Variants in ACBD6 observed in about 807,000 individuals in gnomAD.
The protein encoded by ACBD6 is acyl-CoA-binding domain-containing protein 6.
In ACBD6, 28 loss-of-function variants were observed where a neutral mutation model predicts 37.2. The ratio of observed to expected loss-of-function variants is 0.75; its 90% CI spans 0.56 to 1.03. The LOEUF (loss-of-function observed/expected upper bound fraction) is 1.03. ACBD6 is among the 50% of genes least tolerant of loss of function. ACBD6 has a pLI of 0.00. For synonymous variants in ACBD6, 113 were observed against 126.8 expected, an observed-to-expected ratio of 0.89 and a Z score of 0.73; for missense variants, 340 against 337.4, an observed-to-expected ratio of 1.01 and a Z score of -0.06.
At chr1:180,283,269 G>A (rs1006969131), downstream of ACBD6, among the ~76,000 whole-genome samples, 23 of 152,182 alleles carry the variant, frequency 1.5e-4, no homozygotes, top group Non-Finnish European at 3.1e-4. Flanking sequence ...AAATGTGGCT[G>A]CTGCCTAGTA....
chr1:180,501,581 G>A (rs2102110569), intron 1 of ACBD6, among the ~76,000 whole-genome samples: 1 of 152,268 alleles, frequency 6.6e-6, no homozygotes, highest in African/African-American at 2.4e-5. Flanking sequence ...GCCTCCCAAA[G>A]TGCTGGGATT....
At chr1:180,364,072 A>G (rs771602954) in intron 6 of ACBD6, among the ~76,000 whole-genome samples, 1 of 152,210 alleles carries the variant, frequency 6.6e-6, no homozygotes, top group Non-Finnish European at 1.5e-5. Context: ...GGGATGGCAA[A>G]TATTTAAAAC....
intron 3 of ACBD6, among the ~76,000 whole-genome samples, chr1:180,481,363 T>C (rs1651036952): frequency 6.6e-6 from 1 of 152,092 alleles, no homozygotes; most frequent in East Asian, 1.9e-4. Context: ...ACTGCAAGAA[T>C]GATAAGGAGA....
chr1:180,332,187 T>C (rs1447862332), intron 6 of ACBD6, among the ~76,000 whole-genome samples: 3 of 152,206 alleles, frequency 2.0e-5, no homozygotes, highest in Non-Finnish European at 4.4e-5. Context: ...TTAAGCCACC[T>C]AGTTTGTGGC....
chr1:180,356,950 G>A lies in ACBD6; in HGVS notation c.663+40566C>T, dbSNP rs192517197. Among the ~76,000 whole-genome samples the A allele has an allele frequency of 1.2e-4, 18 of 151,746 alleles. No homozygotes were observed. In the East Asian group the frequency reaches 3.5e-3, roughly 29 times the overall value. ...TTACACTTCTATCATAACCATTACA[G>A]TAAAAGACACTTTTGAAAACTAACA... On this transcript the variant is annotated intron_variant, in intron 6 of 7. Transcript: ENST00000367595.
At chr1:180,440,798 T>C (rs116491935) in intron 3 of ACBD6, among the ~76,000 whole-genome samples, 2,990 of 152,346 alleles carry the variant, frequency 0.02, 100 homozygotes, top group African/African-American at 0.067. Flanking sequence ...AATTGAATCA[T>C]ACACTATGTA....
At chr1:180,436,411 T>C (rs12402815) in intron 3 of ACBD6, among the ~76,000 whole-genome samples, 19,410 of 152,192 alleles carry the variant, frequency 0.13, 1,801 homozygotes, top group East Asian at 0.36. Context: ...CCCCAGTTCA[T>C]CGTCACCTCT....
At chr1:180,422,747 C>T (rs2101986963) in intron 4 of ACBD6, among the ~76,000 whole-genome samples, 1 of 152,224 alleles carries the variant, frequency 6.6e-6, no homozygotes, top group South Asian at 2.1e-4. Context: ...TGATAAAATA[C>T]TCAAAAACCA....
chr1:180,480,200 A>G (rs994471524), intron 3 of ACBD6, among the ~76,000 whole-genome samples: 4 of 152,174 alleles, frequency 2.6e-5, no homozygotes, highest in Admixed American at 6.5e-5. Context: ...ATACATTCAG[A>G]TAAGTCACGT....
intron 6 of ACBD6, among the ~76,000 whole-genome samples, chr1:180,385,375 T>TA (rs1000075307): frequency 6.7e-6 from 1 of 148,616 alleles, no homozygotes; most frequent in Admixed American, 6.8e-5. Context: ...ACACTGCAAT[T>TA]AAAAGACAAA....
At chr1:180,288,054 T>G (rs868587030), downstream of ACBD6, among the ~76,000 whole-genome samples, 5 of 152,194 alleles carry the variant, frequency 3.3e-5, no homozygotes, top group South Asian at 2.1e-4. Flanking sequence ...AAAGCAGCCA[T>G]GTTTAATATT....
chr1:180,405,288 G>A (rs1482787019), intron 5 of ACBD6, among the ~76,000 whole-genome samples: 1 of 152,124 alleles, frequency 6.6e-6, no homozygotes, highest in Non-Finnish European at 1.5e-5. Flanking sequence ...ATTGTTAGGA[G>A]CCACAGATTT....
intron 9 of ACBD6, chr1:180,278,366 GC>G (rs1649167810): frequency 6.6e-6 from 1 of 151,966 alleles, no homozygotes; most frequent in African/African-American, 2.4e-5. Context: ...TGGTCAATTG[GC>G]CCTTTTTGCA....
intron 7 of ACBD6, among the ~76,000 whole-genome samples, chr1:180,307,814 G>A (rs1650441397): frequency 6.6e-6 from 1 of 152,170 alleles, no homozygotes; most frequent in South Asian, 2.1e-4. Flanking sequence ...AACTAGCTGG[G>A]TATGGTGGCG....
chr1:180,294,244 T>C (rs1649829109), intron 7 of ACBD6, among the ~76,000 whole-genome samples: 1 of 152,046 alleles, frequency 6.6e-6, no homozygotes, highest in African/African-American at 2.4e-5. Context: ...TTAAAAAAAT[T>C]TGTCCTGGCC....
chr1:180,324,731 T>C (rs546643761), intron 6 of ACBD6, among the ~76,000 whole-genome samples: 16 of 152,322 alleles, frequency 1.1e-4, no homozygotes, highest in Admixed American at 3.9e-4. Context: ...TAACATACTT[T>C]TCCTTCTGAC....
At chr1:180,356,532 T>C (rs769817632) in intron 6 of ACBD6, among the ~76,000 whole-genome samples, 9 of 151,918 alleles carry the variant, frequency 5.9e-5, no homozygotes, top group Non-Finnish European at 1.2e-4. Context: ...AGTTCAAATA[T>C]GATAATATAT....
At chr1:180,291,384 A>G (rs894139095) in intron 7 of ACBD6, among the ~76,000 whole-genome samples, 1 of 152,206 alleles carries the variant, frequency 6.6e-6, no homozygotes, top group African/African-American at 2.4e-5. Flanking sequence ...CTTTACTATT[A>G]TTAAAAATAT....
chr1:180,402,532 A>G (rs1558284354), intron 5 of ACBD6, among the ~76,000 whole-genome samples: 2 of 152,184 alleles, frequency 1.3e-5, no homozygotes, highest in South Asian at 2.1e-4. Context: ...TACTTTAAAA[A>G]ATCTGGCTGG....
Sources: allele counts gnomAD v4.1 joint callset (sites outside exome capture counted in the v4.1 genomes callset), GRCh38; gene constraint gnomAD v4.1.1; transcripts MANE v1.5; gene names NCBI Gene and HGNC (gene_info 2026-07-23, HGNC 2026-07-21).